Variants in CCDC88C observed in about 807,000 individuals in gnomAD.
CCDC88C encodes protein Daple.
CCDC88C carries 131 observed loss-of-function variants against 198.8 expected under a neutral mutation model. The ratio of observed to expected loss-of-function variants is 0.66; its 90% confidence interval spans 0.57 to 0.76. CCDC88C has a LOEUF of 0.76. Among genes scored for constraint, CCDC88C ranks in the 30% least tolerant of loss-of-function variants. The pLI, the probability that CCDC88C is intolerant of heterozygous loss-of-function variation, is 0.00. For synonymous variants in CCDC88C, 1,166 were observed against 1,114.7 expected (o/e 1.05, Z -0.92); for missense variants, 2,553 against 2,631.6 (o/e 0.97, Z 0.65).
At chr14:91,360,374 G>T (rs183435500) in intron 3 of CCDC88C, among the ~76,000 whole-genome samples, 16 of 152,092 alleles carry the variant, frequency 1.1e-4, no homozygotes, top group African/African-American at 3.9e-4. Flanking sequence ...CTTGAACCTG[G>T]GTGGTCGAAG....
intron 2 of CCDC88C, among the ~76,000 whole-genome samples, chr14:91,409,637 G>A (rs993894660): frequency 6.6e-6 from 1 of 151,520 alleles, no homozygotes; most frequent in Admixed American, 6.6e-5. Flanking sequence ...ATAGGTGCAT[G>A]CCACCACGCC....
intron 3 of CCDC88C, among the ~76,000 whole-genome samples, chr14:91,375,395 T>C (rs2139937616): frequency 6.6e-6 from 1 of 152,270 alleles, no homozygotes; most frequent in Middle Eastern, 3.4e-3. Context: ...GGCTCCGACC[T>C]GAGGACTCCA....
chr14:91,329,900 C>A (rs186068566), intron 10 of CCDC88C, among the ~76,000 whole-genome samples: 2 of 152,240 alleles, frequency 1.3e-5, no homozygotes, highest in Non-Finnish European at 2.9e-5. Flanking sequence ...TGTGAAGGCC[C>A]AGTCAGGCAA....
chr14:91,353,209 A>G (rs1445403658), intron 4 of CCDC88C, among the ~76,000 whole-genome samples: 1 of 152,106 alleles, frequency 6.6e-6, no homozygotes, highest in Non-Finnish European at 1.5e-5. Flanking sequence ...GATCCTCATG[A>G]GACTTCCAGC....
In CCDC88C at chr14:91,325,303, C is replaced by T. The variant is rs1314594848; in HGVS notation, c.1198-380G>A. 6.6e-6 allele frequency among the ~76,000 whole-genome samples: 1 copy of T among 152,190 alleles called. No homozygotes were observed. The highest frequency in any genetic ancestry group is 6.5e-5 in the Admixed American group (1 of 15,282). The stretch of plus-strand genomic sequence containing the variant: ...ACAGGCTAACAAATCACAGCTCACC[C>T]CACACCATCAACACTGGCAAAGACC... On this transcript the variant is annotated intron_variant, in intron 11 of 29. Coordinates refer to ENST00000389857, the MANE Select transcript of CCDC88C (RefSeq NM_001080414.4). This position sits in a 1 kb window ranked among gnomAD's most constrained non-coding sequence, Gnocchi z 4.1.
chr14:91,323,624 G>A (rs931855132), intron 12 of CCDC88C, among the ~76,000 whole-genome samples: 1 of 152,120 alleles, frequency 6.6e-6, no homozygotes, highest in Non-Finnish European at 1.5e-5. Flanking sequence ...AATAAATCAC[G>A]GTATTAACTT....
At position 91,342,510 on chromosome 14, in the gene CCDC88C, T is replaced by C. The variant is rs747053; in HGVS notation, c.400-47A>G. ...AATGGAAGCGCTGTTCAAGTGAGGG[T>C]GAAGCTGAGTCCACCACAGCCACAG... On this transcript the variant is annotated intron_variant, in intron 5 of 29. Coordinates refer to ENST00000389857, the MANE Select transcript of CCDC88C (RefSeq NM_001080414.4). 0.081 allele frequency: 98,730 copies of C among 1,216,398 alleles called. 4,439 individuals carry two copies. The highest frequency in any genetic ancestry group is 0.15 in the Middle Eastern group (780 of 5,336). The allele number at this position is 1,216,398 out of a possible 1,614,324, so 75.4% of individuals were successfully genotyped here.
At chr14:91,297,755 G>A (rs1891075902) in intron 21 of CCDC88C, among the ~76,000 whole-genome samples, 1 of 152,158 alleles carries the variant, frequency 6.6e-6, no homozygotes, top group Admixed American at 6.5e-5. Context: ...GACTGAGCAG[G>A]CAAGCTCAGA....
At chr14:91,384,375 G>A in intron 3 of CCDC88C, 1 of 455,064 alleles carries the variant, frequency 2.2e-6, no homozygotes, top group Non-Finnish European at 4.4e-6. Context: ...GTCAAATGAT[G>A]TAAATTCATC....
intron 4 of CCDC88C, among the ~76,000 whole-genome samples, chr14:91,355,807 A>C (rs1382948655): frequency 6.6e-6 from 1 of 152,128 alleles, no homozygotes; most frequent in African/African-American, 2.4e-5. Flanking sequence ...TAGGTCAGAG[A>C]AAGGGGACAA....
chr14:91,377,620 G>C (rs1191754639), intron 3 of CCDC88C, among the ~76,000 whole-genome samples: 1 of 152,112 alleles, frequency 6.6e-6, no homozygotes, highest in Non-Finnish European at 1.5e-5. Flanking sequence ...TATGTACCCA[G>C]AAGTGCTAAG....
At chr14:91,296,845 C>T (rs1425468424) in intron 22 of CCDC88C, among the ~76,000 whole-genome samples, 3 of 152,110 alleles carry the variant, frequency 2.0e-5, no homozygotes, top group Non-Finnish European at 4.4e-5. Context: ...GGTCTTGCTG[C>T]GTGAGGCCAT....
At chr14:91,308,268 C>T (rs1891645682) in intron 17 of CCDC88C, 83 bp downstream of exon 17, 1 of 1,527,550 alleles carries the variant, frequency 6.5e-7, no homozygotes, top group Non-Finnish European at 8.9e-7. Context: ...TCCAGGCCAC[C>T]CCACTGCTAT....
At chr14:91,406,382 C>T (rs1886483002) in intron 3 of CCDC88C, among the ~76,000 whole-genome samples, 1 of 152,136 alleles carries the variant, frequency 6.6e-6, no homozygotes, top group African/African-American at 2.4e-5. Flanking sequence ...TCCAAGCTCA[C>T]CCAAGAGCTC....
intron 3 of CCDC88C, among the ~76,000 whole-genome samples, chr14:91,385,891 A>C (rs924819321): frequency 1.3e-4 from 20 of 152,094 alleles, no homozygotes; most frequent in Non-Finnish European, 2.2e-4. Flanking sequence ...TCCACCTCCT[A>C]GGAGAACTGT....
chr14:91,378,638 TGC>T (rs1042155419), intron 3 of CCDC88C: 1 of 142,654 alleles, frequency 7.0e-6, no homozygotes, highest in African/African-American at 2.8e-5. Flanking sequence ...CACATTCCCA[TGC>T]TCTTTTTTAT....
intron 10 of CCDC88C, among the ~76,000 whole-genome samples, chr14:91,329,235 T>C (rs531756115): frequency 2.9e-4 from 44 of 152,360 alleles, no homozygotes; most frequent in African/African-American, 1.1e-3. Context: ...GGCAGGTCTG[T>C]CCTATTCAAC....
At chr14:91,385,847 G>A (rs1037789749) in intron 3 of CCDC88C, among the ~76,000 whole-genome samples, 1 of 152,022 alleles carries the variant, frequency 6.6e-6, no homozygotes, top group Admixed American at 6.5e-5. Flanking sequence ...TTTTGTCCTG[G>A]GTGGGGCACA....
intron 17 of CCDC88C, 48 bp from the exon 18 acceptor site, chr14:91,307,274 G>C: frequency 6.3e-6 from 10 of 1,580,718 alleles, no homozygotes; most frequent in Non-Finnish European, 8.6e-6. Context: ...AAGCAGCCTG[G>C]CCTGGAGCCC....
Sources: allele counts gnomAD v4.1 joint callset (sites outside exome capture counted in the v4.1 genomes callset), GRCh38; gene constraint gnomAD v4.1.1; non-coding constraint Gnocchi (gnomAD v3.1); transcripts MANE v1.5; gene names NCBI Gene and HGNC (gene_info 2026-07-23, HGNC 2026-07-21).